WNT5B: variants seen among roughly 807,000 people sequenced by gnomAD.
The protein encoded by WNT5B is protein Wnt-5b.
A neutral mutation model predicts 36.5 loss-of-function variants in WNT5B; 18 were observed. That is an observed-to-expected ratio of 0.49 (90% confidence interval 0.34 to 0.73). WNT5B has a LOEUF of 0.73. WNT5B is among the 30% of genes least tolerant of loss of function. The pLI, the probability that WNT5B is intolerant of heterozygous loss-of-function variation, is 0.01. For synonymous variants in WNT5B, 213 were observed against 212.3 expected, an observed-to-expected ratio of 1.00 and a Z score of -0.03; for missense variants, 424 against 508.4, an observed-to-expected ratio of 0.83 and a Z score of 1.60.
At chr12:1,638,782 A>G (rs1245433169) in intron 3 of WNT5B, among the ~76,000 whole-genome samples, 1 of 151,964 alleles carries the variant, frequency 6.6e-6, no homozygotes, top group Admixed American at 6.6e-5. Flanking sequence ...TGTGGAAGAG[A>G]GAGGAAGACA....
intron 1 of WNT5B, among the ~76,000 whole-genome samples, chr12:1,621,306 G>A (rs1295746596): frequency 3.3e-5 from 5 of 152,214 alleles, no homozygotes; most frequent in South Asian, 4.1e-4. Flanking sequence ...CAGAGAACAC[G>A]CATGATTGAT....
intron 3 of WNT5B, among the ~76,000 whole-genome samples, chr12:1,638,943 A>G (rs556382249): frequency 5.3e-5 from 8 of 152,290 alleles, no homozygotes; most frequent in African/African-American, 1.7e-4. Flanking sequence ...CATTTCTGCT[A>G]GGATACAACG....
At chr12:1,637,047 A>T (rs2094563154) in intron 3 of WNT5B, among the ~76,000 whole-genome samples, 3 of 152,052 alleles carry the variant, frequency 2.0e-5, no homozygotes, top group Admixed American at 2.0e-4. Context: ...GAGATGGGGT[A>T]CTGCTATGTT....
At chr12:1,622,766 A>G (rs1261990237) in intron 1 of WNT5B, among the ~76,000 whole-genome samples, 1 of 152,244 alleles carries the variant, frequency 6.6e-6, no homozygotes, top group Non-Finnish European at 1.5e-5. Flanking sequence ...GACCGTTTCC[A>G]GAGCATATGA....
upstream of WNT5B, among the ~76,000 whole-genome samples, chr12:1,626,667 C>T (rs1256398954): frequency 6.6e-6 from 1 of 151,940 alleles, no homozygotes; most frequent in Admixed American, 6.6e-5. Context: ...CAGGTTCACG[C>T]CATTCTCCTG....
chr12:1,642,768 T>C (rs1407894496), intron 4 of WNT5B, among the ~76,000 whole-genome samples: 2 of 152,214 alleles, frequency 1.3e-5, no homozygotes, highest in African/African-American at 4.8e-5. Flanking sequence ...CCATCAGGCT[T>C]GTTCCTGGCT....
At chr12:1,623,184 G>GTTTTTTTTTTTTTT (rs1555156800) in intron 1 of WNT5B, among the ~76,000 whole-genome samples, 3 of 53,488 alleles carry the variant, frequency 5.6e-5, no homozygotes, top group Admixed American at 1.5e-4. Flanking sequence ...AGGGTTTTTT[G>GTTTTTTTTTTTTTT]TTGTTTTTTT....
chr12:1,640,120 C>A, intron 4 of WNT5B, 144 bp downstream of exon 4: 1 of 974,812 alleles, frequency 1.0e-6, no homozygotes, highest in Non-Finnish European at 1.5e-6. Context: ...ATTTACATGT[C>A]CACGTTATTG....
intron 3 of WNT5B, 85 bp from the exon 4 acceptor site, chr12:1,639,599 C>G: frequency 7.2e-7 from 1 of 1,393,658 alleles, no homozygotes; most frequent in Non-Finnish European, 9.3e-7. Flanking sequence ...CCGTGGCGTG[C>G]GGGTCCGTCG....
At chr12:1,624,961 T>C (rs1057255666), upstream of WNT5B, among the ~76,000 whole-genome samples, 7 of 151,862 alleles carry the variant, frequency 4.6e-5, no homozygotes, top group East Asian at 1.2e-3. Flanking sequence ...AGCACAGTTT[T>C]ATGGAGGGAG....
At position 1,632,858 on chromosome 12, in the gene WNT5B, G is replaced by T; in HGVS notation, c.281G>T (p.Cys94Phe). 1.2e-6 allele frequency: 2 copies of T among 1,614,128 alleles called. No individual in the cohort carries two copies. Among genetic ancestry groups the T allele is most frequent in the Non-Finnish European group, 1.7e-6 (2 of 1,179,984 alleles). Reference sequence around the variant, plus strand: ...CAGTTCCGGCAGCGGCGGTGGAATTGCAGCACAGCGGACAACGCATCTGTC... The same window carrying T: ...CAGTTCCGGCAGCGGCGGTGGAATTTCAGCACAGCGGACAACGCATCTGTC... ...QHQFRQRRWN[C>F]STADNASVFG... is the part of the protein sequence containing the mutation. Residue 94 changes from cysteine to phenylalanine, a missense_variant, in exon 3 of 5, where the codon TGC becomes TTC. Coordinates refer to ENST00000397196, the MANE Select transcript of WNT5B (RefSeq NM_032642.3). This position sits in a 1 kb window ranked among gnomAD's most constrained non-coding sequence, Gnocchi z 5.8.
rs535292413 is a variant in WNT5B, at chr12:1,636,989, T to C, written c.329-2695T>C. Among the ~76,000 whole-genome samples the C allele has an allele frequency of 3.9e-3, 597 of 152,266 alleles. 5 individuals carry two copies. The highest frequency in any genetic ancestry group is 6.1e-3 in the Non-Finnish European group (417 of 68,024). On this transcript the variant is annotated intron_variant, in intron 3 of 4. Transcript: ENST00000397196. ...TCCCAAAGTGCTGGGATTACAGGCATGAGCCACCACGCCCAGCTTAATTTT... is the reference window on the plus strand; with the variant it reads ...TCCCAAAGTGCTGGGATTACAGGCACGAGCCACCACGCCCAGCTTAATTTT...
At chr12:1,642,394 C>T (rs2094577133) in intron 4 of WNT5B, among the ~76,000 whole-genome samples, 1 of 152,212 alleles carries the variant, frequency 6.6e-6, no homozygotes, top group African/African-American at 2.4e-5. Flanking sequence ...CCCACCTGAT[C>T]TTCAATCGGG....
chr12:1,623,029 A>G (rs952555615), intron 1 of WNT5B, among the ~76,000 whole-genome samples: 1 of 151,974 alleles, frequency 6.6e-6, no homozygotes, highest in African/African-American at 2.4e-5. Flanking sequence ...GGGTTTGGGT[A>G]AGGAGGTATC....
At chr12:1,621,707 ATTT>A (rs34640616) in intron 1 of WNT5B, among the ~76,000 whole-genome samples, 37 of 141,018 alleles carry the variant, frequency 2.6e-4, no homozygotes, top group South Asian at 4.5e-4. Flanking sequence ...ATATCCAGCT[ATTT>A]TTTTTTTTTT....
At chr12:1,643,758 A>T (rs1331824240) in intron 4 of WNT5B, among the ~76,000 whole-genome samples, 1 of 59,664 alleles carries the variant, frequency 1.7e-5, no homozygotes, top group Non-Finnish European at 3.0e-5. Flanking sequence ...CCTATCGCCT[A>T]CAAAAGGAGC....
intron 3 of WNT5B, among the ~76,000 whole-genome samples, chr12:1,634,679 C>T (rs923906025): frequency 6.6e-6 from 1 of 152,178 alleles, no homozygotes; most frequent in African/African-American, 2.4e-5. Context: ...CCTTCCTCCC[C>T]CCTGAGCCCA....
chr12:1,639,001 C>G (rs2094567503), intron 3 of WNT5B, among the ~76,000 whole-genome samples: 1 of 152,178 alleles, frequency 6.6e-6, no homozygotes, highest in Non-Finnish European at 1.5e-5. Flanking sequence ...TTCTGTTCGA[C>G]TCCCATGTTC....
At chr12:1,619,721 G>A (rs908995196) in intron 1 of WNT5B, among the ~76,000 whole-genome samples, 7 of 152,262 alleles carry the variant, frequency 4.6e-5, no homozygotes, top group South Asian at 2.1e-4. Context: ...GAGAGGAAGC[G>A]AAATGCTGAG....
Sources: allele counts gnomAD v4.1 joint callset (sites outside exome capture counted in the v4.1 genomes callset), GRCh38; gene constraint gnomAD v4.1.1; non-coding constraint Gnocchi (gnomAD v3.1); transcripts MANE v1.5; gene names NCBI Gene and HGNC (gene_info 2026-07-23, HGNC 2026-07-21).